Variants in RNF128 observed in about 807,000 individuals in gnomAD.
The protein encoded by RNF128 is ring finger protein 128.
Under a neutral mutation model 26.2 loss-of-function variants are expected in RNF128, and 13 were observed. The ratio of observed to expected loss-of-function variants is 0.50; its 90% CI spans 0.32 to 0.79. The LOEUF is 0.79. Ranked by LOEUF, RNF128 falls within the 30% of genes least tolerant of loss-of-function variation. RNF128 has a pLI of 0.03. For synonymous variants in RNF128, 149 were observed against 142.5 expected (o/e 1.05, Z -0.32); for missense variants, 315 against 349.7 (o/e 0.90, Z 0.79).
At chrX:106,776,301 A>G (rs186644147) in intron 2 of RNF128, among the ~76,000 whole-genome samples, 1 of 112,484 alleles carries the variant, frequency 8.9e-6, no homozygotes, top group Non-Finnish European at 1.9e-5. Context: ...TGTTGGATTA[A>G]ACATTGGCAA....
At chrX:106,737,210 TAG>T (rs1220737749) in intron 1 of RNF128, among the ~76,000 whole-genome samples, 1 of 111,245 alleles carries the variant, frequency 9.0e-6, no homozygotes, top group Non-Finnish European at 1.9e-5. Flanking sequence ...TAGTCATCAG[TAG>T]ATTTTCTTTT....
chrX:106,765,186 G>A (rs1363670910), intron 1 of RNF128, among the ~76,000 whole-genome samples: 2 of 111,832 alleles, frequency 1.8e-5, no homozygotes, highest in African/African-American at 6.5e-5. Context: ...TAACTAAATG[G>A]CTATCATGTA....
chrX:106,779,856 A>G (rs1437196871), intron 2 of RNF128, among the ~76,000 whole-genome samples: 1 of 111,446 alleles, frequency 9.0e-6, no homozygotes, highest in Non-Finnish European at 1.9e-5. Context: ...TTTATTGAAT[A>G]AAATGGATTT....
At chrX:106,726,186 C>T (rs769080258), upstream of RNF128, among the ~76,000 whole-genome samples, 1 of 111,510 alleles carries the variant, frequency 9.0e-6, no homozygotes, top group Non-Finnish European at 1.9e-5. Flanking sequence ...ATGTATGAGG[C>T]TTCTTAGGAG....
Position 106,774,802 on chromosome X carries a change from A to G in RNF128, c.732+1642A>G, listed in dbSNP as rs551037941. On this transcript the variant is annotated intron_variant, in intron 2 of 6. Transcript: ENST00000255499. ...TGCTTTCAGATGAAAATACATTTTT[A>G]TATGTACTGAGCAGTTTCTCTAAAG... is the stretch of plus-strand genomic sequence containing the variant. Among the ~76,000 whole-genome samples, 15 of 111,837 alleles carry G rather than the reference A, an allele frequency of 1.3e-4. No homozygotes were observed. The South Asian group carries it at 5.2e-3, about 39-fold the overall frequency.
At chrX:106,717,834 T>C (rs892780001) in intron 1 of RNF128, among the ~76,000 whole-genome samples, 1 of 112,375 alleles carries the variant, frequency 8.9e-6, no homozygotes, top group African/African-American at 3.2e-5. Context: ...TACTGTTTCA[T>C]TGAAAGTCTT....
intron 1 of RNF128, among the ~76,000 whole-genome samples, chrX:106,730,073 T>C (rs1231810493): frequency 1.8e-5 from 2 of 112,326 alleles, no homozygotes; most frequent in African/African-American, 6.5e-5. Context: ...ACTTGAATTG[T>C]TTGCCCTTGG....
chrX:106,697,190 G>A (rs1483566389), intron 1 of RNF128, among the ~76,000 whole-genome samples: 1 of 111,707 alleles, frequency 9.0e-6, no homozygotes, highest in Non-Finnish European at 1.9e-5. Context: ...AGCTGTAATT[G>A]GTAAAGAAGC....
intron 2 of RNF128, among the ~76,000 whole-genome samples, chrX:106,780,546 A>G (rs1930547662): frequency 8.9e-6 from 1 of 112,162 alleles, no homozygotes; most frequent in African/African-American, 3.2e-5. Flanking sequence ...AGGATTAGAG[A>G]GGAGGAGGGG....
chrX:106,725,174 C>T (rs760189195), upstream of RNF128, among the ~76,000 whole-genome samples: 18 of 111,491 alleles, frequency 1.6e-4, no homozygotes, highest in Non-Finnish European at 1.9e-5. Flanking sequence ...CCATTTTTCC[C>T]CTAGGTAATT....
intron 2 of RNF128, among the ~76,000 whole-genome samples, chrX:106,776,819 G>A (rs1930472697): frequency 9.0e-6 from 1 of 111,415 alleles, no homozygotes; most frequent in African/African-American, 3.3e-5. Flanking sequence ...AATACTGAAT[G>A]ATACCCATGT....
At chrX:106,772,061 G>C (rs183310144) in intron 1 of RNF128, among the ~76,000 whole-genome samples, 1 of 112,061 alleles carries the variant, frequency 8.9e-6, no homozygotes, top group African/African-American at 3.2e-5. Context: ...ATAAACTAGA[G>C]GGAATATAAA....
At chrX:106,767,771 A>G (rs770564539) in intron 1 of RNF128, among the ~76,000 whole-genome samples, 32 of 111,779 alleles carry the variant, frequency 2.9e-4, no homozygotes, top group Middle Eastern at 4.6e-3. Context: ...AGTGGTGAGA[A>G]AGGGCATCCC....
intron 4 of RNF128, among the ~76,000 whole-genome samples, chrX:106,789,547 A>ATATAGTG (rs1491098728): frequency 1.2e-4 from 12 of 100,947 alleles, no homozygotes; most frequent in Admixed American, 2.3e-4. Context: ...ATTATATATA[A>ATATAGTG]TATATACTAT....
chrX:106,780,670 T>C (rs1160307193), intron 2 of RNF128, among the ~76,000 whole-genome samples: 2 of 111,809 alleles, frequency 1.8e-5, no homozygotes, highest in African/African-American at 6.5e-5. Context: ...TTTAAAGGGG[T>C]TTTTAAATTT....
At chrX:106,789,917 A>T (rs184853174) in intron 4 of RNF128, among the ~76,000 whole-genome samples, 335 of 110,528 alleles carry the variant, frequency 3.0e-3, no homozygotes, top group African/African-American at 0.01. Flanking sequence ...ACAAAGTCTT[A>T]GGTCAGGTAG....
chrX:106,732,656 A>G (rs2147670742), intron 1 of RNF128, among the ~76,000 whole-genome samples: 1 of 112,058 alleles, frequency 8.9e-6, no homozygotes, highest in African/African-American at 3.2e-5. Flanking sequence ...GAAGAAGAGC[A>G]TACAGGAATA....
chrX:106,738,257 G>A (rs1929633793), intron 1 of RNF128, among the ~76,000 whole-genome samples: 1 of 110,891 alleles, frequency 9.0e-6, no homozygotes, highest in Non-Finnish European at 1.9e-5. Context: ...CATCAAAAGG[G>A]GGATAATAAT....
intron 1 of RNF128, among the ~76,000 whole-genome samples, chrX:106,697,209 C>A (rs1928887827): frequency 8.9e-6 from 1 of 111,821 alleles, no homozygotes; most frequent in Non-Finnish European, 1.9e-5. Flanking sequence ...GCAATAGTTA[C>A]CCTTATTAGC....
Sources: allele counts gnomAD v4.1 joint callset (sites outside exome capture counted in the v4.1 genomes callset), GRCh38; gene constraint gnomAD v4.1.1; transcripts MANE v1.5; gene names NCBI Gene and HGNC (gene_info 2026-07-23, HGNC 2026-07-21).